Variants in CDH4 observed in about 807,000 individuals in gnomAD.
The protein encoded by CDH4 is cadherin-4.
CDH4 carries 33 observed loss-of-function variants against 86.0 expected under a neutral mutation model. That is an observed-to-expected ratio of 0.38 (90% CI 0.29 to 0.51). The LOEUF is 0.51. CDH4 is among the 20% of genes least tolerant of loss of function. The pLI is 0.86. For synonymous variants in CDH4, 555 were observed against 549.4 expected, an observed-to-expected ratio of 1.01 and a Z score of -0.14; for missense variants, 1,114 against 1,307.4, an observed-to-expected ratio of 0.85 and a Z score of 2.28.
intron 2 of CDH4, among the ~76,000 whole-genome samples, chr20:61,530,374 C>A (rs2085942913): frequency 6.6e-6 from 1 of 152,134 alleles, no homozygotes; most frequent in African/African-American, 2.4e-5. Flanking sequence ...GCCCCAGTGG[C>A]CCTTCCTTAG....
chr20:61,929,937 C>A (rs756731356), intron 13 of CDH4, 95 bp downstream of exon 13: 89 of 933,646 alleles, frequency 9.5e-5, no homozygotes, highest in Non-Finnish European at 1.5e-4. Context: ...GGATTTGCCC[C>A]TCAGCCCTCA....
In CDH4 at chr20:61,848,823, G is replaced by A. The variant is rs77359174; in HGVS notation, c.733-3931G>A. Among the ~76,000 whole-genome samples, 905 of 152,142 alleles carry A rather than the reference G, an allele frequency of 5.9e-3. 2 individuals are homozygous for A. The highest frequency in any genetic ancestry group is 9.3e-3 in the Non-Finnish European group (632 of 67,990). On this transcript the variant is annotated intron_variant, in intron 5 of 15. Transcript: ENST00000614565. ...GATTACAGGTGTAAACCACTGCACC[G>A]AGCCCACGTTCCTGTCTATTTCCTG...
intron 2 of CDH4, among the ~76,000 whole-genome samples, chr20:61,344,405 C>A (rs1568806393): frequency 1.3e-5 from 2 of 152,096 alleles, no homozygotes; most frequent in African/African-American, 4.8e-5. Flanking sequence ...TGTAATTATT[C>A]TTCTGTCCAC....
rs2085838454 is a variant in CDH4 at position 61,518,219 on chromosome 20, A to G, written c.170-225344A>G. 6.6e-6 allele frequency among the ~76,000 whole-genome samples: 1 copy of G among 152,152 alleles called. No homozygotes were observed. The highest frequency in any genetic ancestry group is 2.1e-4 in the South Asian group (1 of 4,822). On this transcript the variant is annotated intron_variant, in intron 2 of 15. Transcript: ENST00000614565. The surrounding 1 kb of genome is among the most constrained non-coding windows in gnomAD (Gnocchi z 6.3). ...TTATCGAACACCACCAGTTCCTAGGACGAGGAAGCCCGTGCCTCTCCACAG... is the reference window on the plus strand; with the variant it reads ...TTATCGAACACCACCAGTTCCTAGGGCGAGGAAGCCCGTGCCTCTCCACAG...
At chr20:61,916,049 A>T (rs949989381) in intron 9 of CDH4, among the ~76,000 whole-genome samples, 5 of 152,144 alleles carry the variant, frequency 3.3e-5, no homozygotes, top group African/African-American at 1.2e-4. Flanking sequence ...TGAAGTTTCA[A>T]TTTAGAATCT....
chr20:61,592,610 A>G (rs1175803995), intron 2 of CDH4, among the ~76,000 whole-genome samples: 3 of 152,160 alleles, frequency 2.0e-5, no homozygotes, highest in Non-Finnish European at 4.4e-5. Flanking sequence ...CCTATTAAGC[A>G]GTCACTCCCC....
rs946170304 is a variant in CDH4, at chr20:61,923,370, C to T, written c.1375-81C>T. The T allele has an allele frequency of 1.7e-5, 25 of 1,451,544 alleles. No homozygotes were observed. In the African/African-American group the frequency reaches 3.3e-4, roughly 19 times the overall value. The allele number at this position is 1,451,544 out of a possible 1,614,324, so 89.9% of individuals were successfully genotyped here. A position where few individuals can be genotyped will look rare whatever the true frequency, so the allele number is the denominator to read the frequency against. ...GACATGGCTCAGGGAGGGGTGGAGA[C>T]CAACCTTCCCATGTGTCCCCCCATG... On this transcript the variant is annotated intron_variant, in intron 9 of 15. Transcript: ENST00000614565.
intron 9 of CDH4, among the ~76,000 whole-genome samples, chr20:61,915,920 G>C (rs569073213): frequency 2.6e-5 from 4 of 152,144 alleles, no homozygotes; most frequent in Non-Finnish European, 4.4e-5. Context: ...GCACAGACTT[G>C]CAGCCACACT....
At chr20:61,384,249 A>T (rs2084938956) in intron 2 of CDH4, among the ~76,000 whole-genome samples, 1 of 152,092 alleles carries the variant, frequency 6.6e-6, no homozygotes, top group Non-Finnish European at 1.5e-5. Flanking sequence ...CAATCCAACT[A>T]GGTTGACACC....
chr20:61,294,339 A>G (rs1338178449), intron 2 of CDH4, among the ~76,000 whole-genome samples: 2 of 152,160 alleles, frequency 1.3e-5, no homozygotes, highest in East Asian at 1.9e-4. Flanking sequence ...GTGAAGTCTC[A>G]TGACCTGCCA....
At chr20:61,609,520 T>C (rs946382714) in intron 2 of CDH4, among the ~76,000 whole-genome samples, 3 of 152,070 alleles carry the variant, frequency 2.0e-5, no homozygotes, top group Non-Finnish European at 4.4e-5. Context: ...CCAAAAGAAG[T>C]GCATGGGGTG....
intron 8 of CDH4, among the ~76,000 whole-genome samples, chr20:61,908,749 C>T (rs1474990260): frequency 1.3e-5 from 2 of 152,162 alleles, no homozygotes; most frequent in Admixed American, 6.5e-5. Flanking sequence ...TCTTTCTTAC[C>T]GAAGGGACAG....
intron 2 of CDH4, among the ~76,000 whole-genome samples, chr20:61,705,120 G>C (rs1399862572): frequency 6.6e-6 from 1 of 152,230 alleles, no homozygotes; most frequent in Non-Finnish European, 1.5e-5. Context: ...TTAGGACACA[G>C]GGGCCTTGTG....
chr20:61,845,340 C>T (rs374458413), intron 5 of CDH4, among the ~76,000 whole-genome samples: 7 of 152,238 alleles, frequency 4.6e-5, no homozygotes, highest in East Asian at 1.9e-4. Flanking sequence ...AAAGGAGAGC[C>T]GCGCTGATTC....
intron 2 of CDH4, among the ~76,000 whole-genome samples, chr20:61,514,471 TGG>T (rs1015559777): frequency 6.6e-6 from 1 of 152,288 alleles, no homozygotes; most frequent in East Asian, 1.9e-4. Context: ...CTAACTTCCT[TGG>T]GGGGCTCTTG....
chr20:61,659,484 C>T (rs2087227866), intron 2 of CDH4, among the ~76,000 whole-genome samples: 1 of 152,198 alleles, frequency 6.6e-6, no homozygotes, highest in African/African-American at 2.4e-5. Flanking sequence ...CTTCCTGGAG[C>T]TCTGGCCTGG....
chr20:61,819,227 A>G (rs984785473), intron 4 of CDH4, among the ~76,000 whole-genome samples: 5 of 152,246 alleles, frequency 3.3e-5, no homozygotes, highest in Admixed American at 6.5e-5. Flanking sequence ...GACCAAGGTA[A>G]GTGGACACGA....
At chr20:61,276,672 A>C (rs898943532) in intron 2 of CDH4, among the ~76,000 whole-genome samples, 5 of 151,980 alleles carry the variant, frequency 3.3e-5, no homozygotes, top group African/African-American at 1.2e-4. Flanking sequence ...TTTTGATGGG[A>C]TGGACATCCA....
chr20:61,354,507 G>T (rs951552017), intron 2 of CDH4, among the ~76,000 whole-genome samples: 3 of 152,226 alleles, frequency 2.0e-5, no homozygotes, highest in Non-Finnish European at 4.4e-5. Flanking sequence ...TGCTGTTGCC[G>T]TTGCTGTTGA....
Sources: gnomAD v4.1 joint callset for allele counts (sites outside exome capture counted in the v4.1 genomes callset) on GRCh38, gnomAD v4.1.1 for gene constraint, Gnocchi (gnomAD v3.1) non-coding constraint, MANE v1.5 for transcripts, NCBI Gene and HGNC (gene_info 2026-07-23, HGNC 2026-07-21) for gene names.